Variants in CFAP43 observed in about 807,000 individuals in gnomAD.
CFAP43 encodes cilia and flagella associated protein 43.
In CFAP43, 155 loss-of-function variants were observed where a neutral mutation model predicts 218.9. That is an observed-to-expected ratio of 0.71 (90% confidence interval 0.62 to 0.81). The LOEUF (loss-of-function observed/expected upper bound fraction) is 0.81. CFAP43 is among the 30% of genes least tolerant of loss of function. The pLI, the probability that CFAP43 is intolerant of heterozygous loss-of-function variation, is 0.00. For missense variants in CFAP43, 1,778 were observed against 1,954.3 expected, an observed-to-expected ratio of 0.91 and a Z score of 1.70; for synonymous variants, 645 against 681.3, an observed-to-expected ratio of 0.95 and a Z score of 0.83.
chr10:104,218,684 G>C (rs2091090271), intron 3 of CFAP43: 1 of 478,252 alleles, frequency 2.1e-6, no homozygotes, highest in East Asian at 4.9e-5. Flanking sequence ...CCTGGGTCAG[G>C]CAATGATCTC....
At chr10:104,150,326 C>T (rs1413581879) in intron 28 of CFAP43, among the ~76,000 whole-genome samples, 1 of 152,144 alleles carries the variant, frequency 6.6e-6, no homozygotes, top group African/African-American at 2.4e-5. Flanking sequence ...TTACATTCTT[C>T]TATCTGTGGC....
chr10:104,161,274 T>C (rs1192711478), intron 26 of CFAP43, 112 bp from the exon 27 acceptor site: 5 of 1,200,352 alleles, frequency 4.2e-6, no homozygotes, highest in South Asian at 1.7e-5. Context: ...GTCCTTCACA[T>C]TGGCAAGGAA....
rs576686649 is a variant in CFAP43, at chr10:104,170,762, T to C, written c.2586+1648A>G. ...CTAGATTGGTGCCTACCTCTTGTGATAAGAAAATGGGATTTTTTTTCATAG... is the reference window on the plus strand; with the variant it reads ...CTAGATTGGTGCCTACCTCTTGTGACAAGAAAATGGGATTTTTTTTCATAG... On this transcript the variant is annotated intron_variant, in intron 20 of 37. Transcript: ENST00000357060. Among the ~76,000 whole-genome samples, 10 of 152,258 alleles carry C rather than the reference T, an allele frequency of 6.6e-5. No individual in the cohort carries two copies. In the South Asian group the frequency reaches 1.9e-3, roughly 28 times the overall value.
At position 104,187,622 on chromosome 10, in the gene CFAP43, T is replaced by C. The variant is rs568464267; in HGVS notation, c.1688-130A>G. 2.2e-5 allele frequency: 16 copies of C among 726,934 alleles called. No individual in the cohort carries two copies. In the African/African-American group the frequency reaches 2.7e-4, roughly 12 times the overall value. The allele number at this position is 726,934 out of a possible 1,614,324, so 45.0% of individuals were successfully genotyped here. A position where few individuals can be genotyped will look rare whatever the true frequency, so the allele number is the denominator to read the frequency against. ...AACTAATATTGCGGAAGCTAGTAGG[T>C]GATAAAAATGATTTAAAAACACTTG... On this transcript the variant is annotated intron_variant, in intron 13 of 37. Transcript: ENST00000357060.
At chr10:104,153,310 GAAC>G (rs1183434857) in intron 27 of CFAP43, among the ~76,000 whole-genome samples, 1 of 151,978 alleles carries the variant, frequency 6.6e-6, no homozygotes, top group Non-Finnish European at 1.5e-5. Flanking sequence ...TTTTTAAAGA[GAAC>G]AACATCAAAA....
chr10:104,160,137 G>A (rs1217565950), intron 27 of CFAP43, among the ~76,000 whole-genome samples: 1 of 152,104 alleles, frequency 6.6e-6, no homozygotes, highest in Non-Finnish European at 1.5e-5. Flanking sequence ...GGGACATGAG[G>A]GTGCAGGCAG....
chr10:104,134,907 C>T (rs577853232), intron 34 of CFAP43, among the ~76,000 whole-genome samples: 76 of 152,170 alleles, frequency 5.0e-4, no homozygotes, highest in African/African-American at 1.6e-3. Flanking sequence ...GATACCAAAG[C>T]CAGAGAAAGA....
chr10:104,197,984 C>T lies in CFAP43; in HGVS notation c.1150G>A (p.Asp384Asn). ...GCCTGAAATTTCCCATCACAAGCAT[C>T]TAGGACTTTATTTAAGGTTGGCTCC... Reference protein sequence around the residue: ...GKEPTLNKVLDACDGKFQAID... With the variant: ...GKEPTLNKVLNACDGKFQAID... The change falls in exon 9 of 38, where the codon GAT becomes AAT. Residue 384 changes from aspartate to asparagine, a missense_variant. Asp to Asn is a conservative substitution (Grantham distance 23). This residue lies in a region of CFAP43 where 1,553 missense variants were observed against 1,685.2 expected (regional missense o/e 0.92). Transcript: ENST00000357060. 1 of 1,613,848 alleles carries T rather than the reference C, an allele frequency of 6.2e-7. No individual in the cohort carries two copies.
rs374695703 is a variant in CFAP43, at chr10:104,179,934, T to C, written c.2290-2A>G. 2 of 1,610,646 alleles carry C rather than the reference T, an allele frequency of 1.2e-6. No individual in the cohort carries two copies. The highest frequency in any genetic ancestry group is 1.3e-5 in the African/African-American group (1 of 74,838). On this transcript the variant is annotated splice_acceptor_variant, in intron 17 of 37. Coordinates refer to ENST00000357060, the MANE Select transcript of CFAP43 (RefSeq NM_025145.7). LOFTEE classifies it high-confidence loss of function. ...TAAGTCAGTGCTTGCCTTCTGTTTC[T>C]GATACATGGTAGAAAAAGACAGACA...
chr10:104,130,348 C>T (rs1162590046), intron 37 of CFAP43, 43 bp from the exon 38 acceptor site: 13 of 1,576,088 alleles, frequency 8.2e-6, no homozygotes, highest in Admixed American at 1.9e-5. Flanking sequence ...TTTATCAATA[C>T]TTTCAAATAC....
Position 104,147,610 on chromosome 10 carries a change from G to A in CFAP43, c.3768+281C>T, listed in dbSNP as rs537503744. 1.1e-4 allele frequency among the ~76,000 whole-genome samples: 17 copies of A among 152,288 alleles called. No individual in the cohort carries two copies. The East Asian group carries it at 2.9e-3, about 26-fold the overall frequency. ...CACAGCCAGTGCTTTCAACCATGAAGCTATATGGCCTCATTTTATAAACCA... is the reference window on the plus strand; with the variant it reads ...CACAGCCAGTGCTTTCAACCATGAAACTATATGGCCTCATTTTATAAACCA... On this transcript the variant is annotated intron_variant, in intron 29 of 37. Transcript: ENST00000357060.
intron 9 of CFAP43, among the ~76,000 whole-genome samples, chr10:104,197,194 G>A (rs2090404753): frequency 1.3e-5 from 2 of 152,228 alleles, no homozygotes; most frequent in South Asian, 4.1e-4. Flanking sequence ...ACATATTAAA[G>A]ATAAAAGTTG....
intron 3 of CFAP43, chr10:104,218,944 C>A: frequency 2.3e-6 from 1 of 433,408 alleles, no homozygotes; most frequent in East Asian, 7.5e-5. Flanking sequence ...CACAGCTGCT[C>A]GTGCCCAGAC....
At chr10:104,140,014 C>A (rs956173590) in intron 34 of CFAP43, among the ~76,000 whole-genome samples, 19 of 151,868 alleles carry the variant, frequency 1.3e-4, no homozygotes, top group South Asian at 2.1e-4. Context: ...TTTTAAATAA[C>A]CCATGAATCA....
At chr10:104,142,077 G>C (rs951550895) in intron 33 of CFAP43, among the ~76,000 whole-genome samples, 2 of 152,190 alleles carry the variant, frequency 1.3e-5, no homozygotes, top group African/African-American at 4.8e-5. Context: ...TTTGTAATAA[G>C]AGCAACAAAA....
rs191223518 is a variant in CFAP43 at position 104,131,603 on chromosome 10, G to A, written c.4678-119C>T. ...ATCATCATTAAGATAACATCTTACC[G>A]CCATATCTGTAGTGCCTGGCATAGT... is the stretch of plus-strand genomic sequence containing the variant. On this transcript the variant is annotated intron_variant, in intron 36 of 37. Transcript: ENST00000357060. 2.7e-5 allele frequency: 32 copies of A among 1,179,458 alleles called. No homozygotes were observed. The East Asian group carries it at 2.9e-4, about 11-fold the overall frequency. 73.1% of individuals were successfully genotyped at this position (1,179,458 alleles called of 1,614,324 possible).
chr10:104,225,615 T>C, intron 2 of CFAP43, 58 bp from the exon 3 acceptor site: 1 of 1,377,444 alleles, frequency 7.3e-7, no homozygotes, highest in Non-Finnish European at 1.0e-6. Context: ...TTCAGTTAAC[T>C]ATGGTCTTAC....
intron 21 of CFAP43, 56 bp from the exon 22 acceptor site, chr10:104,167,793 T>C: frequency 2.9e-6 from 4 of 1,359,028 alleles, no homozygotes; most frequent in South Asian, 1.3e-5. Context: ...ATTGTGTGTA[T>C]CTGGGGTTGA....
chr10:104,136,817 A>AGT lies in CFAP43; in HGVS notation c.4432-3035_4432-3034dup, dbSNP rs138501307. On this transcript the variant is annotated intron_variant, in intron 34 of 37. Coordinates refer to ENST00000357060, the MANE Select transcript of CFAP43 (RefSeq NM_025145.7). ...AATTTGAAAATGGGCAAAAGACTTC[A>AGT]GTAGTCATTTGTCCAAAGATATACA... Among the ~76,000 whole-genome samples the AGT allele has an allele frequency of 4.1e-3, 632 of 152,344 alleles. 6 individuals are homozygous for AGT. The highest frequency in any genetic ancestry group is 0.014 in the African/African-American group (597 of 41,572).
Sources: allele counts gnomAD v4.1 joint callset (sites outside exome capture counted in the v4.1 genomes callset), GRCh38; gene constraint gnomAD v4.1.1; regional missense constraint gnomAD v4.1.1; transcripts MANE v1.5; gene names NCBI Gene and HGNC (gene_info 2026-07-23, HGNC 2026-07-21).